The following ATR variants were observed in gnomAD, a reference collection of about 807,000 sequenced individuals.
ATR encodes serine/threonine-protein kinase ATR.
ATR carries 142 observed loss-of-function variants against 305.3 expected under a neutral mutation model. That is an observed-to-expected ratio of 0.47 (90% CI 0.41 to 0.53). The LOEUF (loss-of-function observed/expected upper bound fraction) is 0.53. Ranked by LOEUF, ATR falls within the 20% of genes least tolerant of loss-of-function variation. ATR has a pLI of 0.00. For missense variants in ATR, 2,135 were observed against 3,133.1 expected (o/e 0.68, Z 7.60); for synonymous variants, 1,050 against 1,068.1 (o/e 0.98, Z 0.33).
chr3:142,489,449 G>A lies in ATR; in HGVS notation c.6078+3683C>T, dbSNP rs904252811. On this transcript the variant is annotated intron_variant, in intron 35 of 46. Coordinates refer to ENST00000350721, the MANE Select transcript of ATR (RefSeq NM_001184.4). ...CTAACTCTCGAAAGTTCTTATGGGC[G>A]CCCACCCTTGCCGTCACTCTCCTGC... 4.6e-5 allele frequency among the ~76,000 whole-genome samples: 7 copies of A among 152,146 alleles called. No individual in the cohort carries two copies. The South Asian group carries it at 1.0e-3, about 23-fold the overall frequency.
intron 21 of ATR, among the ~76,000 whole-genome samples, chr3:142,529,774 A>G (rs950245930): frequency 3.3e-5 from 5 of 152,100 alleles, no homozygotes; most frequent in African/African-American, 4.8e-5. Flanking sequence ...GTACATTCCT[A>G]CTGAGAATTC....
At chr3:142,574,675 T>G (rs1357387302) in intron 1 of ATR, among the ~76,000 whole-genome samples, 1 of 152,126 alleles carries the variant, frequency 6.6e-6, no homozygotes, top group Non-Finnish European at 1.5e-5. Flanking sequence ...GCACCTGCCC[T>G]AAAATAATTT....
chr3:142,578,112 A>G (rs1372623906), intron 1 of ATR, among the ~76,000 whole-genome samples: 2 of 152,128 alleles, frequency 1.3e-5, no homozygotes, highest in Non-Finnish European at 2.9e-5. Context: ...ATGTACTATG[A>G]CTTCACTTCA....
intron 29 of ATR, among the ~76,000 whole-genome samples, chr3:142,504,654 G>A (rs1163998342): frequency 1.3e-5 from 2 of 151,940 alleles, no homozygotes; most frequent in South Asian, 2.1e-4. Flanking sequence ...GGTAGAGACA[G>A]GGTTTCACTA....
At chr3:142,452,346 A>T in intron 46 of ATR, 2 of 986,942 alleles carry the variant, frequency 2.0e-6, no homozygotes, top group Non-Finnish European at 2.4e-6. Context: ...CCCCACCAAA[A>T]AAAACGAATC....
Position 142,546,143 on chromosome 3 carries a change from G to A in ATR, c.3357+1582C>T, listed in dbSNP as rs115523328. ...AGCAGGAAATACCACTAGAACAGAG[G>A]GTAGGAGGAGAGAGTATGGTATTCA... is the stretch of plus-strand genomic sequence containing the variant. On this transcript the variant is annotated intron_variant, in intron 16 of 46. Coordinates refer to ENST00000350721, the MANE Select transcript of ATR (RefSeq NM_001184.4). Among the ~76,000 whole-genome samples the A allele has an allele frequency of 8.8e-3, 1,345 of 152,214 alleles. 20 individuals are homozygous for A. Among genetic ancestry groups the A allele is most frequent in the African/African-American group, 0.031 (1,272 of 41,520 alleles).
chr3:142,496,205 G>C (rs1475144179), intron 34 of ATR, among the ~76,000 whole-genome samples, 156 bp downstream of exon 34: 1 of 146,806 alleles, frequency 6.8e-6, no homozygotes, highest in Non-Finnish European at 1.5e-5. Context: ...AAAAGTGATA[G>C]AAAAGGAAGG....
At chr3:142,451,728 TG>T in intron 46 of ATR, 3 of 1,168,802 alleles carry the variant, frequency 2.6e-6, no homozygotes, top group Non-Finnish European at 3.2e-6. Context: ...TACAGGAGTG[TG>T]CCACTGAGCC....
intron 45 of ATR, among the ~76,000 whole-genome samples, chr3:142,456,664 AC>A: frequency 6.6e-6 from 1 of 152,378 alleles, no homozygotes; most frequent in South Asian, 2.1e-4. Flanking sequence ...CAAATGGCCA[AC>A]AAAGACATGA....
At chr3:142,549,870 GATC>G (rs2034411296) in intron 14 of ATR, among the ~76,000 whole-genome samples, 197 bp from the exon 15 acceptor site, 2 of 152,122 alleles carry the variant, frequency 1.3e-5, no homozygotes, top group Admixed American at 1.3e-4. Context: ...AAGCAGAAAT[GATC>G]ATATTAGACT....
chr3:142,572,227 G>A (rs541838331), intron 1 of ATR, among the ~76,000 whole-genome samples: 3 of 150,914 alleles, frequency 2.0e-5, no homozygotes, highest in Admixed American at 1.3e-4. Flanking sequence ...GTGCCACCAC[G>A]CCCGGCTAAT....
intron 16 of ATR, among the ~76,000 whole-genome samples, chr3:142,546,588 G>A (rs113013729): frequency 0.018 from 2,725 of 152,214 alleles, 29 homozygotes; most frequent in South Asian, 0.041. Flanking sequence ...TGAGAAAAAA[G>A]AGCCAGTTAC....
intron 22 of ATR, among the ~76,000 whole-genome samples, chr3:142,523,333 T>C (rs376011313): frequency 4.6e-5 from 7 of 151,920 alleles, no homozygotes; most frequent in African/African-American, 1.7e-4. Context: ...GGCAGGACAA[T>C]CGCTTGAATC....
In ATR at chr3:142,515,415, C is replaced by A. The variant is rs2032816384; in HGVS notation, c.4483G>T (p.Ala1495Ser). 6.2e-7 allele frequency: 1 copy of A among 1,613,870 alleles called. No homozygotes were observed. The highest frequency in any genetic ancestry group is 8.5e-7 in the Non-Finnish European group (1 of 1,179,904). ...CTTACCTTTGTAATAAGATAACCTGCCCAAGATGCTGACCATTCTGCAAAG... is the reference window on the plus strand; with the variant it reads ...CTTACCTTTGTAATAAGATAACCTGACCAAGATGCTGACCATTCTGCAAAG... ...SNFAEWSASW[A>S]GYLITKVRHD... The change falls in exon 25 of 47, where the codon GCA becomes TCA. Residue 1495 changes from alanine (A) to serine (S), a missense_variant. Around this residue, in one of 9 missense-constraint regions of ATR, gnomAD observed 202 missense variants for 252.9 expected, o/e 0.80. Coordinates refer to ENST00000350721, the MANE Select transcript of ATR (RefSeq NM_001184.4).
intron 27 of ATR, among the ~76,000 whole-genome samples, chr3:142,511,082 C>G (rs920879364): frequency 2.4e-4 from 37 of 152,198 alleles, no homozygotes; most frequent in African/African-American, 8.7e-4. Flanking sequence ...AAAATAGCTT[C>G]TCTTTAGGCC....
intron 13 of ATR, among the ~76,000 whole-genome samples, chr3:142,550,901 C>A (rs1226612804): frequency 6.6e-6 from 1 of 152,042 alleles, no homozygotes; most frequent in East Asian, 1.9e-4. Context: ...GATTCTTCTG[C>A]CTCAGCCTCC....
intron 10 of ATR, among the ~76,000 whole-genome samples, chr3:142,554,919 C>A (rs902406587): frequency 1.1e-4 from 16 of 150,386 alleles, no homozygotes; most frequent in African/African-American, 2.0e-4. Flanking sequence ...CAGAGCAAGA[C>A]CCTGTCTCTT....
intron 23 of ATR, among the ~76,000 whole-genome samples, chr3:142,522,018 C>T (rs1349239918): frequency 6.6e-6 from 1 of 152,152 alleles, no homozygotes; most frequent in East Asian, 1.9e-4. Context: ...TGAAAGGCAA[C>T]TGATGTGGCA....
At chr3:142,482,360 T>C (rs2030568333) in intron 36 of ATR, among the ~76,000 whole-genome samples, 1 of 152,218 alleles carries the variant, frequency 6.6e-6, no homozygotes, top group Admixed American at 6.5e-5. Flanking sequence ...TTTTAAAATG[T>C]ACTTACATTC....
Sources: gnomAD v4.1 joint callset for allele counts (sites outside exome capture counted in the v4.1 genomes callset) on GRCh38, gnomAD v4.1.1 for gene constraint, gnomAD v4.1.1 regional missense constraint, MANE v1.5 for transcripts, NCBI Gene and HGNC (gene_info 2026-07-23, HGNC 2026-07-21) for gene names.